Variants in EP300 observed in about 807,000 individuals in gnomAD.
EP300 encodes EP300 lysine acetyltransferase.
EP300 carries 31 observed loss-of-function variants against 264.0 expected under a neutral mutation model. The ratio of observed to expected loss-of-function variants is 0.12; its 90% confidence interval spans 0.09 to 0.16. EP300 has a LOEUF of 0.16. Ranked by LOEUF, EP300 falls within the 10% of genes least tolerant of loss-of-function variation. The probability of loss-of-function intolerance (pLI) is 1.00; values close to 1 mark genes in which losing one functional copy is unlikely to be tolerated. For synonymous variants in EP300, 1,340 were observed against 1,045.4 expected (o/e 1.28, Z -5.44); for missense variants, 2,766 against 3,052.9 (o/e 0.91, Z 2.21).
chr22:41,158,287 G>A, intron 18 of EP300, 125 bp from the exon 19 acceptor site: 1 of 745,402 alleles, frequency 1.3e-6, no homozygotes, highest in African/African-American at 1.7e-5. Context: ...AACTGAATTA[G>A]CCCATCATTA....
intron 1 of EP300, among the ~76,000 whole-genome samples, chr22:41,100,418 A>G (rs1188228014): frequency 6.6e-6 from 1 of 152,182 alleles, no homozygotes; most frequent in Non-Finnish European, 1.5e-5. Flanking sequence ...GCCTTATGTC[A>G]TCTATCCAAA....
chr22:41,167,560 T>G (rs1412171575), intron 23 of EP300, among the ~76,000 whole-genome samples: 4 of 51,116 alleles, frequency 7.8e-5, no homozygotes, highest in East Asian at 2.8e-3. Flanking sequence ...GTTTATATAT[T>G]TGTGTGTGTG....
At position 41,173,682 on chromosome 22, in the gene EP300, T is replaced by C. The variant is rs1230673116; in HGVS notation, c.4677T>C (p.Asn1559=). 1 of 1,613,848 alleles carries C rather than the reference T, an allele frequency of 6.2e-7. No homozygotes were observed. The highest frequency in any genetic ancestry group is 1.1e-5 in the South Asian group (1 of 91,058). Residue 1559 remains asparagine (N), a synonymous_variant, in exon 29 of 31, where the codon AAT becomes AAC. Coordinates refer to ENST00000263253, the MANE Select transcript of EP300 (RefSeq NM_001429.4). ...AGAATAATAAGAAAACCAGCAAAAA[T>C]AAGAGCAGCCTGAGTAGGGGCAACA... ...KKKNNKKTSK[N]KSSLSRGNKK...
chr22:41,117,116 GA>G, intron 1 of EP300, 70 bp from the exon 2 acceptor site: 1 of 1,301,222 alleles, frequency 7.7e-7, no homozygotes, highest in Non-Finnish European at 1.1e-6. Context: ...TGCTTATTGA[GA>G]ACAATATAGA....
intron 9 of EP300, among the ~76,000 whole-genome samples, 200 bp from the exon 10 acceptor site, chr22:41,140,848 A>G (rs1245329860): frequency 6.6e-6 from 1 of 152,194 alleles, no homozygotes; most frequent in Non-Finnish European, 1.5e-5. Context: ...TCACTAGAAT[A>G]TAATGAAGTA....
chr22:41,141,045 A>T lies in EP300; in HGVS notation c.1879-3A>T, dbSNP rs1232286091. ...CCCTTATTTTACTTCAACAATTCAA[A>T]AGGCGGAATACTACCACCTTCTAGC... is the stretch of plus-strand genomic sequence containing the variant. On this transcript the variant is annotated splice_polypyrimidine_tract_variant and splice_region_variant and intron_variant, in intron 9 of 30. Coordinates refer to ENST00000263253, the MANE Select transcript of EP300 (RefSeq NM_001429.4). 1.2e-6 allele frequency: 2 copies of T among 1,613,548 alleles called. No homozygotes were observed. Among genetic ancestry groups the T allele is most frequent in the Non-Finnish European group, 1.7e-6 (2 of 1,179,816 alleles).
rs1210490769 is a variant in EP300 at position 41,093,000 on chromosome 22, T to TA, written c.1dup. On this transcript the variant is annotated 5_prime_UTR_variant, in exon 1 of 31. Transcript: ENST00000263253. Reference sequence around the variant, plus strand: ...TCCTCGCTTGTATCTCCGAAAGAATTAAAAATGGCCGAGAATGTGGTGGAA... The same window carrying TA: ...TCCTCGCTTGTATCTCCGAAAGAATTAAAAAATGGCCGAGAATGTGGTGGAA... 1 of 1,614,034 alleles carries TA rather than the reference T, an allele frequency of 6.2e-7. No homozygotes were observed. Among genetic ancestry groups the TA allele is most frequent in the South Asian group, 1.1e-5 (1 of 91,080 alleles).
chr22:41,150,913 AT>A (rs1468738067), intron 14 of EP300, among the ~76,000 whole-genome samples: 1 of 151,646 alleles, frequency 6.6e-6, no homozygotes, highest in African/African-American at 2.4e-5. Flanking sequence ...AAAATTGCAG[AT>A]TTATGAGTCC....
intron 1 of EP300, among the ~76,000 whole-genome samples, chr22:41,101,224 G>C (rs1165049726): frequency 6.6e-6 from 1 of 151,850 alleles, no homozygotes; most frequent in African/African-American, 2.4e-5. Context: ...ACAGGCACCT[G>C]CTACCATGCC....
At chr22:41,110,375 C>T (rs1005726837) in intron 1 of EP300, among the ~76,000 whole-genome samples, 1 of 136,806 alleles carries the variant, frequency 7.3e-6, no homozygotes, top group Admixed American at 8.0e-5. Flanking sequence ...TCATTGCAAC[C>T]TCCACCTCTC....
chr22:41,092,981 C>T lies in EP300; in HGVS notation c.-24C>T, dbSNP rs1166603872. 7 of 1,613,394 alleles carry T rather than the reference C, an allele frequency of 4.3e-6. No homozygotes were observed. The highest frequency in any genetic ancestry group is 5.9e-6 in the Non-Finnish European group (7 of 1,179,478). ...TTCCTGAGGATTCTGGTTTTCCTCG[C>T]TTGTATCTCCGAAAGAATTAAAAAT... On this transcript the variant is annotated 5_prime_UTR_variant, in exon 1 of 31. Coordinates refer to ENST00000263253, the MANE Select transcript of EP300 (RefSeq NM_001429.4).
chr22:41,154,335 C>A (rs983491251), intron 16 of EP300, among the ~76,000 whole-genome samples: 1 of 143,922 alleles, frequency 6.9e-6, no homozygotes, highest in African/African-American at 2.6e-5. Flanking sequence ...TCTGTTCTTG[C>A]TTGACTGCAT....
chr22:41,158,447 C>T lies in EP300; in HGVS notation c.3537C>T (p.Gly1179=), dbSNP rs148939960. Residue 1179 remains glycine, a synonymous_variant, in exon 19 of 31, where the codon GGC becomes GGT. Coordinates refer to ENST00000263253, the MANE Select transcript of EP300 (RefSeq NM_001429.4). ...CTCCACAGACACTGTGTTGCTACGG[C>T]AAACAGTTGTGCACAATACCTCGTG... ...EFSPQTLCCY[G]KQLCTIPRDA... The T allele has an allele frequency of 6.2e-7, 1 of 1,614,036 alleles. No individual in the cohort carries two copies. The highest frequency in any genetic ancestry group is 1.3e-5 in the African/African-American group (1 of 74,914).
intron 8 of EP300, among the ~76,000 whole-genome samples, chr22:41,138,455 C>T (rs1209298295): frequency 2.6e-5 from 4 of 152,082 alleles, no homozygotes; most frequent in Non-Finnish European, 5.9e-5. Flanking sequence ...TGAGCCACCA[C>T]GCCTGTCCTG....
chr22:41,161,019 T>A (rs2059105223), intron 20 of EP300, among the ~76,000 whole-genome samples: 1 of 152,182 alleles, frequency 6.6e-6, no homozygotes, highest in South Asian at 2.1e-4. Context: ...ATGTCAGCAA[T>A]GGGCAATCAT....
At chr22:41,147,590 T>C (rs888440153) in intron 11 of EP300, among the ~76,000 whole-genome samples, 1 of 151,786 alleles carries the variant, frequency 6.6e-6, no homozygotes, top group African/African-American at 2.4e-5. Context: ...TACAAAAAAT[T>C]AGCTGGGTGT....
Position 41,158,539 on chromosome 22 carries a change from A to C in EP300, c.3590+39A>C, listed in dbSNP as rs1021046670. The C allele has an allele frequency of 3.9e-6, 6 of 1,556,586 alleles. No homozygotes were observed. In the Admixed American group the frequency reaches 8.4e-5, roughly 22 times the overall value. ...GGTGTGGACCATGGTCCATGTGTCC[A>C]CATGTCCAGGGAGTGCATGCGGATG... On this transcript the variant is annotated intron_variant, in intron 19 of 30. Coordinates refer to ENST00000263253, the MANE Select transcript of EP300 (RefSeq NM_001429.4).
chr22:41,119,599 A>G (rs1429130037), intron 2 of EP300, among the ~76,000 whole-genome samples: 1 of 152,108 alleles, frequency 6.6e-6, no homozygotes, highest in African/African-American at 2.4e-5. Flanking sequence ...TATAAATTTT[A>G]GAGTATGCCA....
intron 1 of EP300, among the ~76,000 whole-genome samples, chr22:41,115,032 C>T (rs1013141933): frequency 6.6e-6 from 1 of 152,156 alleles, no homozygotes; most frequent in African/African-American, 2.4e-5. Flanking sequence ...TTCCTGGGCT[C>T]AAGCTATCCT....
Sources: allele counts gnomAD v4.1 joint callset (sites outside exome capture counted in the v4.1 genomes callset), GRCh38; gene constraint gnomAD v4.1.1; transcripts MANE v1.5; gene names NCBI Gene and HGNC (gene_info 2026-07-23, HGNC 2026-07-21).